DZIP3: variants seen among roughly 807,000 people sequenced by gnomAD.
DZIP3 encodes the protein E3 ubiquitin-protein ligase DZIP3.
Under a neutral mutation model 162.0 loss-of-function variants are expected in DZIP3, and 118 were observed. The observed-to-expected ratio is 0.73, with a 90% CI of 0.63 to 0.85. DZIP3 has a LOEUF of 0.85. DZIP3 is among the 40% of genes least tolerant of loss of function. DZIP3 has a pLI of 0.00. For missense variants in DZIP3, 1,331 were observed against 1,407.0 expected, an observed-to-expected ratio of 0.95 and a Z score of 0.86; for synonymous variants, 438 against 458.6, an observed-to-expected ratio of 0.96 and a Z score of 0.57.
intron 8 of DZIP3, among the ~76,000 whole-genome samples, chr3:108,632,411 T>A (rs904837117): frequency 6.6e-6 from 1 of 152,180 alleles, no homozygotes; most frequent in Non-Finnish European, 1.5e-5. Context: ...GGCCATTTAA[T>A]CAGTATTTTA....
intron 4 of DZIP3, among the ~76,000 whole-genome samples, chr3:108,616,269 TAAATA>T (rs1282274935): frequency 7.9e-5 from 6 of 76,158 alleles, no homozygotes; most frequent in Non-Finnish European, 1.5e-4. Flanking sequence ...ATCTCAAAAA[TAAATA>T]AATAAATAAA....
chr3:108,672,675 C>G lies in DZIP3; in HGVS notation c.2589+19C>G, dbSNP rs753930246. Reference sequence around the variant, plus strand: ...AGCCGAGGTAACAACAAAACGGGGACAGGGGTATGGGGTGAGGGGAAAAGT... The same window carrying G: ...AGCCGAGGTAACAACAAAACGGGGAGAGGGGTATGGGGTGAGGGGAAAAGT... On this transcript the variant is annotated intron_variant, in intron 23 of 32. Coordinates refer to ENST00000361582, the MANE Select transcript of DZIP3 (RefSeq NM_014648.4). 1.2e-6 allele frequency: 2 copies of G among 1,600,144 alleles called. No homozygotes were observed. The highest frequency in any genetic ancestry group is 1.7e-6 in the Non-Finnish European group (2 of 1,169,058).
rs543254902 is a variant in DZIP3 at position 108,691,692 on chromosome 3, C to G, written c.*6+789C>G. Among the ~76,000 whole-genome samples the G allele has an allele frequency of 5.2e-4, 79 of 152,266 alleles. 1 individual carries two copies. The highest frequency in any genetic ancestry group is 1.0e-3 in the Non-Finnish European group (69 of 68,014). ...CAGGAGGAAAGTGAGTGAGACTTCC[C>G]TGCTTCTGCTGTTTTCTCAAACATC... On this transcript the variant is annotated intron_variant, in intron 32 of 32. Coordinates refer to ENST00000361582, the MANE Select transcript of DZIP3 (RefSeq NM_014648.4).
chr3:108,660,128 G>GA (rs1357189062), intron 19 of DZIP3, among the ~76,000 whole-genome samples: 6 of 151,976 alleles, frequency 3.9e-5, no homozygotes, highest in African/African-American at 1.5e-4. Flanking sequence ...CACAGAATTG[G>GA]AAAAAACCAC....
chr3:108,638,902 T>C (rs1215036604), intron 12 of DZIP3, among the ~76,000 whole-genome samples: 1 of 152,248 alleles, frequency 6.6e-6, no homozygotes, highest in East Asian at 1.9e-4. Flanking sequence ...CTTAACCTTG[T>C]ACACAGCTGA....
intron 1 of DZIP3, chr3:108,590,189 A>G (rs1939305485): frequency 6.6e-6 from 1 of 152,150 alleles, no homozygotes; most frequent in Non-Finnish European, 1.5e-5. Context: ...CGTTTTTTAA[A>G]TCGGAGATAG....
intron 19 of DZIP3, 183 bp downstream of exon 19, chr3:108,654,493 G>A (rs1576422959): frequency 2.8e-5 from 17 of 602,254 alleles, no homozygotes; most frequent in East Asian, 2.5e-4. Flanking sequence ...AAAAAAGAAC[G>A]CCTAGGAGCT....
chr3:108,607,915 C>T lies in DZIP3; in HGVS notation c.33-174C>T, dbSNP rs372181428. On this transcript the variant is annotated intron_variant, in intron 2 of 32. Transcript: ENST00000361582. ...CCATCCAGTAAGGGCATGGCCAATT[C>T]GTCTTCTTTAACATGAGTCTCTAAA... Among the ~76,000 whole-genome samples, 11 of 152,202 alleles carry T rather than the reference C, an allele frequency of 7.2e-5. No homozygotes were observed. In the East Asian group the frequency reaches 1.2e-3, roughly 16 times the overall value.
chr3:108,656,571 C>G (rs1188753817), intron 19 of DZIP3, among the ~76,000 whole-genome samples: 2 of 152,152 alleles, frequency 1.3e-5, no homozygotes, highest in Non-Finnish European at 2.9e-5. Context: ...ACTGAAAATT[C>G]TAAAAATCAG....
chr3:108,685,697 A>G (rs927555308), intron 27 of DZIP3, among the ~76,000 whole-genome samples: 1 of 152,126 alleles, frequency 6.6e-6, no homozygotes, highest in African/African-American at 2.4e-5. Flanking sequence ...TAGTATTCCC[A>G]TCTTTATTTG....
intron 4 of DZIP3, among the ~76,000 whole-genome samples, chr3:108,613,383 A>G (rs193010456): frequency 1.3e-5 from 2 of 152,152 alleles, no homozygotes; most frequent in African/African-American, 4.8e-5. Flanking sequence ...TTAAACATTA[A>G]AAGTTGTTAT....
intron 24 of DZIP3, among the ~76,000 whole-genome samples, chr3:108,675,580 G>GA (rs1944075949): frequency 6.6e-6 from 1 of 152,092 alleles, no homozygotes; most frequent in South Asian, 2.1e-4. Context: ...ATTTGCTTGT[G>GA]AAAAATGAAT....
rs1384493408 is a variant in DZIP3 at position 108,693,650 on chromosome 3, C to T, written c.*297C>T. The T allele has an allele frequency of 6.6e-6, 1 of 152,062 alleles. No individual in the cohort carries two copies. The highest frequency in any genetic ancestry group is 6.6e-5 in the Admixed American group (1 of 15,244). The allele number at this position is 152,062 out of a possible 1,614,324, so 9.4% of individuals were successfully genotyped here. Reference sequence around the variant, plus strand: ...TTCCCAGTGTCTTGCCCAGTAGATACAAGATAAATATTGCCAGAATCAGAT... The same window carrying T: ...TTCCCAGTGTCTTGCCCAGTAGATATAAGATAAATATTGCCAGAATCAGAT... On this transcript the variant is annotated 3_prime_UTR_variant, in exon 33 of 33. Transcript: ENST00000361582.
At chr3:108,624,253 T>C (rs1244387886) in intron 5 of DZIP3, among the ~76,000 whole-genome samples, 191 bp from the exon 6 acceptor site, 2 of 152,210 alleles carry the variant, frequency 1.3e-5, no homozygotes, top group Non-Finnish European at 2.9e-5. Flanking sequence ...TTGACTATCC[T>C]CTTTCTTCCT....
chr3:108,683,608 C>A (rs1944396807), intron 26 of DZIP3, among the ~76,000 whole-genome samples: 1 of 152,134 alleles, frequency 6.6e-6, no homozygotes, highest in South Asian at 2.1e-4. Flanking sequence ...ATTTCCATAA[C>A]CCCCTGGGAA....
chr3:108,644,825 T>G, intron 14 of DZIP3, 44 bp downstream of exon 14: 1 of 1,553,644 alleles, frequency 6.4e-7, no homozygotes. Flanking sequence ...TTCCATTGAT[T>G]GAATGTCTGC....
At chr3:108,639,582 G>A (rs1942297305) in intron 12 of DZIP3, among the ~76,000 whole-genome samples, 1 of 151,744 alleles carries the variant, frequency 6.6e-6, no homozygotes, top group Admixed American at 6.6e-5. Context: ...AGTAGTCATG[G>A]TTCCATTTCA....
intron 25 of DZIP3, among the ~76,000 whole-genome samples, chr3:108,676,876 CA>C (rs749030118): frequency 1.8e-4 from 27 of 152,016 alleles, no homozygotes; most frequent in Non-Finnish European, 3.7e-4. Flanking sequence ...GCGTTCTTTA[CA>C]AAATAATATG....
chr3:108,596,963 T>TC (rs1164662708), intron 1 of DZIP3, among the ~76,000 whole-genome samples: 2 of 152,038 alleles, frequency 1.3e-5, no homozygotes, highest in African/African-American at 4.8e-5. Flanking sequence ...AGGCATGGGG[T>TC]CATTTAGATA....
Sources: allele counts gnomAD v4.1 joint callset (sites outside exome capture counted in the v4.1 genomes callset), GRCh38; gene constraint gnomAD v4.1.1; transcripts MANE v1.5; gene names NCBI Gene and HGNC (gene_info 2026-07-23, HGNC 2026-07-21).